PON3: variants seen among roughly 807,000 people sequenced by gnomAD.
The protein encoded by PON3 is paraoxonase 3.
A neutral mutation model predicts 36.3 loss-of-function variants in PON3; 37 were observed. The ratio of observed to expected loss-of-function variants is 1.02; its 90% CI spans 0.78 to 1.34. PON3 has a LOEUF of 1.34. Ranked by LOEUF, PON3 falls within the 40% of genes most tolerant of loss-of-function variation. PON3 has a pLI of 0.00. For synonymous variants in PON3, 155 were observed against 154.8 expected (o/e 1.00, Z -0.01); for missense variants, 415 against 426.5 (o/e 0.97, Z 0.24).
Position 95,380,381 on chromosome 7 carries a change from G to A in PON3, c.202-8043C>T, listed in dbSNP as rs139232047. Among the ~76,000 whole-genome samples, 8 of 152,312 alleles carry A rather than the reference G, an allele frequency of 5.3e-5. No individual in the cohort carries two copies. In the East Asian group the frequency reaches 1.3e-3, roughly 26 times the overall value. On this transcript the variant is annotated intron_variant, in intron 3 of 8. Transcript: ENST00000265627. Reference sequence around the variant, plus strand: ...GACTTTGATGAGTTGAGAGAAGAAGGTTTCAGACAACCAAACTTCTCTGAG... The same window carrying A: ...GACTTTGATGAGTTGAGAGAAGAAGATTTCAGACAACCAAACTTCTCTGAG...
intron 3 of PON3, among the ~76,000 whole-genome samples, chr7:95,379,225 T>C (rs888941466): frequency 6.6e-6 from 1 of 152,118 alleles, no homozygotes; most frequent in African/African-American, 2.4e-5. Flanking sequence ...TACATGCATC[T>C]GTCCAAGATG....
intron 3 of PON3, among the ~76,000 whole-genome samples, chr7:95,378,490 A>C (rs1253215321): frequency 6.6e-6 from 1 of 152,236 alleles, no homozygotes; most frequent in Admixed American, 6.5e-5. Context: ...CAAAATGTTA[A>C]AGGCAGCCAG....
At chr7:95,376,200 G>A (rs1360507234) in intron 3 of PON3, among the ~76,000 whole-genome samples, 1 of 152,340 alleles carries the variant, frequency 6.6e-6, no homozygotes, top group East Asian at 1.9e-4. Context: ...TCCTGAGGAA[G>A]TAAAGTGCCA....
intron 3 of PON3, among the ~76,000 whole-genome samples, chr7:95,375,286 GTATA>G (rs1284156826): frequency 2.0e-5 from 3 of 149,544 alleles, no homozygotes; most frequent in African/African-American, 7.4e-5. Flanking sequence ...ATATATGTAC[GTATA>G]TATGTATATG....
At chr7:95,360,864 T>A (rs1219347471) in intron 8 of PON3, among the ~76,000 whole-genome samples, 1 of 152,174 alleles carries the variant, frequency 6.6e-6, no homozygotes, top group African/African-American at 2.4e-5. Flanking sequence ...TTTTTTATCT[T>A]AAGGGAGATC....
chr7:95,394,196 C>A (rs1443556273), intron 2 of PON3, among the ~76,000 whole-genome samples: 1 of 151,880 alleles, frequency 6.6e-6, no homozygotes, highest in African/African-American at 2.4e-5. Flanking sequence ...TGCGCCCAGC[C>A]TGCTGTGAGG....
intron 5 of PON3, chr7:95,365,024 G>A (rs750496255): frequency 1.3e-5 from 2 of 152,114 alleles, no homozygotes; most frequent in Non-Finnish European, 2.9e-5. Context: ...ACTTTCCCAA[G>A]GTCACTCGGC....
intron 5 of PON3, chr7:95,364,459 T>A: frequency 3.5e-6 from 1 of 282,692 alleles, no homozygotes; most frequent in South Asian, 3.8e-5. Flanking sequence ...CACAGCCATG[T>A]GACTTGCTTT....
At chr7:95,394,545 T>C in intron 2 of PON3, 99 bp downstream of exon 2, 1 of 1,054,562 alleles carries the variant, frequency 9.5e-7, no homozygotes, top group Non-Finnish European at 1.5e-6. Flanking sequence ...TGGGAGGGCT[T>C]AAGTAGTGAC....
Position 95,359,943 on chromosome 7 carries a change from C to CTTTTTT in PON3, c.*24_*29dup, listed in dbSNP as rs76171675. ...AGTTTACTTTTACAAAATATGTAGA[C>CTTTTTT]TTTTTTTTTTTTTTTTTACTATCTA... On this transcript the variant is annotated 3_prime_UTR_variant, in exon 9 of 9. Coordinates refer to ENST00000265627, the MANE Select transcript of PON3 (RefSeq NM_000940.3). 1.4e-6 allele frequency: 2 copies of CTTTTTT among 1,464,990 alleles called. No individual in the cohort carries two copies. Among genetic ancestry groups the CTTTTTT allele is most frequent in the Admixed American group, 1.9e-5 (1 of 51,452 alleles). The allele number at this position is 1,464,990 out of a possible 1,614,324, so 90.7% of individuals were successfully genotyped here. A position where few individuals can be genotyped will look rare whatever the true frequency, so the allele number is the denominator to read the frequency against.
chr7:95,388,525 G>A lies in PON3; in HGVS notation c.201+1629C>T, dbSNP rs546526423. On this transcript the variant is annotated intron_variant, in intron 3 of 8. Transcript: ENST00000265627. Reference sequence around the variant, plus strand: ...ATTAGTTCAACCATTGTGGAAGACCGTGTGGCAGTTCCTCAAGGGTCTAGC... The same window carrying A: ...ATTAGTTCAACCATTGTGGAAGACCATGTGGCAGTTCCTCAAGGGTCTAGC... Among the ~76,000 whole-genome samples the A allele has an allele frequency of 3.9e-5, 6 of 152,336 alleles. No homozygotes were observed. The East Asian group carries it at 5.8e-4, about 15-fold the overall frequency.
chr7:95,370,119 C>A (rs1473978884), intron 4 of PON3, among the ~76,000 whole-genome samples: 1 of 152,134 alleles, frequency 6.6e-6, no homozygotes, highest in East Asian at 1.9e-4. Context: ...ACCCAGGAAC[C>A]CAGGCCGTTC....
intron 4 of PON3, 136 bp from the exon 5 acceptor site, chr7:95,367,624 G>T: frequency 1.1e-6 from 1 of 897,806 alleles, no homozygotes; most frequent in Non-Finnish European, 1.7e-6. Flanking sequence ...TACATGATAG[G>T]TAAGTCAGAC....
rs773552758 is a variant in PON3 at position 95,363,989 on chromosome 7, A to G, written c.569T>C (p.Leu190Pro). 4.3e-6 allele frequency: 7 copies of G among 1,613,900 alleles called. No homozygotes were observed. The South Asian group carries it at 4.4e-5, about 10-fold the overall frequency. ...TRDHYFTNSL[L>P]SFFEMILDLR... Reference sequence around the variant, plus strand: ...ATCCAAGATCATCTCAAAAAATGACAGGAGGGAGTTGGTAAAATAGTGGTC... The same window carrying G: ...ATCCAAGATCATCTCAAAAAATGACGGGAGGGAGTTGGTAAAATAGTGGTC... The change falls in exon 6 of 9, where the codon CTG (leucine) becomes CCG (proline). Residue 190 changes from leucine (L) to proline (P), a missense_variant. Physicochemically the swap from Leu to Pro is moderately conservative, Grantham distance 98. Coordinates refer to ENST00000265627, the MANE Select transcript of PON3 (RefSeq NM_000940.3).
At position 95,395,380 on chromosome 7, in the gene PON3, T is replaced by C. The variant is rs576220147; in HGVS notation, c.75-666A>G. Among the ~76,000 whole-genome samples, 53 of 152,338 alleles carry C rather than the reference T, an allele frequency of 3.5e-4. No individual in the cohort carries two copies. In the South Asian group the frequency reaches 0.011, roughly 30 times the overall value. The stretch of plus-strand genomic sequence containing the variant: ...TATATTCAGAAAGACTCAATACTTA[T>C]CTTACAGTCATTTATTTAAAAAAAT... On this transcript the variant is annotated intron_variant, in intron 1 of 8. Coordinates refer to ENST00000265627, the MANE Select transcript of PON3 (RefSeq NM_000940.3).
chr7:95,396,050 T>G (rs1162301983), intron 1 of PON3: 1 of 590,496 alleles, frequency 1.7e-6, no homozygotes, highest in African/African-American at 1.9e-5. Flanking sequence ...GATCATAACC[T>G]TCAAAAAATA....
chr7:95,375,659 TGATA>T (rs1304857636), intron 3 of PON3, among the ~76,000 whole-genome samples: 2 of 152,162 alleles, frequency 1.3e-5, no homozygotes, highest in Non-Finnish European at 2.9e-5. Context: ...TAAAATAATC[TGATA>T]GATAGATAAG....
intron 6 of PON3, chr7:95,363,495 C>A (rs1808623159): frequency 3.4e-6 from 1 of 293,716 alleles, no homozygotes; most frequent in Non-Finnish European, 6.5e-6. Context: ...CTCCTAAGAG[C>A]TTTTGTGTAA....
At chr7:95,377,989 A>ATG (rs1808958385) in intron 3 of PON3, among the ~76,000 whole-genome samples, 1 of 152,184 alleles carries the variant, frequency 6.6e-6, no homozygotes, top group Non-Finnish European at 1.5e-5. Flanking sequence ...CTAACCCATC[A>ATG]CAAGGAAGCT....
Sources: allele counts gnomAD v4.1 joint callset (sites outside exome capture counted in the v4.1 genomes callset), GRCh38; gene constraint gnomAD v4.1.1; transcripts MANE v1.5; gene names NCBI Gene and HGNC (gene_info 2026-07-23, HGNC 2026-07-21).